The following OSBPL1A variants were observed in gnomAD, a reference collection of about 807,000 sequenced individuals.
OSBPL1A encodes oxysterol binding protein like 1A.
OSBPL1A carries 80 observed loss-of-function variants against 137.1 expected under a neutral mutation model. That is an observed-to-expected ratio of 0.58 (90% confidence interval 0.49 to 0.70). The LOEUF is 0.70. OSBPL1A is among the 30% of genes least tolerant of loss of function. The pLI is 0.00. For synonymous variants in OSBPL1A, 365 were observed against 389.7 expected (o/e 0.94, Z 0.75); for missense variants, 970 against 1,129.4 (o/e 0.86, Z 2.02).
chr18:24,315,356 C>T (rs1016289835), intron 11 of OSBPL1A, among the ~76,000 whole-genome samples: 2 of 152,010 alleles, frequency 1.3e-5, no homozygotes, highest in Non-Finnish European at 1.5e-5. Context: ...CTGCTACTCA[C>T]ATCTCTGACT....
At chr18:24,327,209 G>A (rs1331946628) in intron 7 of OSBPL1A, among the ~76,000 whole-genome samples, 1 of 150,498 alleles carries the variant, frequency 6.6e-6, no homozygotes, top group Non-Finnish European at 1.5e-5. Flanking sequence ...CCAGGTTCAA[G>A]CGATTCTCCT....
At chr18:24,361,235 C>T (rs928884590) in intron 4 of OSBPL1A, among the ~76,000 whole-genome samples, 2 of 152,170 alleles carry the variant, frequency 1.3e-5, no homozygotes, top group Non-Finnish European at 1.5e-5. Context: ...CTATGTTGCC[C>T]AAGCTGGTCT....
intron 16 of OSBPL1A, among the ~76,000 whole-genome samples, chr18:24,233,809 C>T (rs950902380): frequency 4.6e-5 from 7 of 152,122 alleles, no homozygotes; most frequent in South Asian, 2.1e-4. Flanking sequence ...CCACCATGCC[C>T]GGATAAAGTC....
chr18:24,283,281 A>AAAAAAAC (rs1246058393), intron 14 of OSBPL1A, among the ~76,000 whole-genome samples: 1 of 78,376 alleles, frequency 1.3e-5, no homozygotes, highest in Non-Finnish European at 2.3e-5. Flanking sequence ...AAAAAAAAAA[A>AAAAAAAC]ATATATATAT....
At chr18:24,382,579 AT>A (rs1215208048) in intron 1 of OSBPL1A, among the ~76,000 whole-genome samples, 7 of 151,666 alleles carry the variant, frequency 4.6e-5, no homozygotes, top group Non-Finnish European at 1.0e-4. Context: ...TCTCAAAAAA[AT>A]TTTTTTTAAT....
chr18:24,242,685 G>T (rs1306098530), intron 15 of OSBPL1A, among the ~76,000 whole-genome samples: 1 of 152,116 alleles, frequency 6.6e-6, no homozygotes, highest in Non-Finnish European at 1.5e-5. Context: ...CAGTCCTCAG[G>T]CACTTTAGTG....
chr18:24,194,010 T>A lies in OSBPL1A; in HGVS notation c.1677+2115A>T, dbSNP rs201137811. Among the ~76,000 whole-genome samples, 421 of 152,306 alleles carry A rather than the reference T, an allele frequency of 2.8e-3. 1 individual carries two copies. The highest frequency in any genetic ancestry group is 4.7e-3 in the Non-Finnish European group (319 of 68,034). ...TCCTATCTTTTAAAAGAATGGTTAGTCTCGATTTGGACGTAAACTAGACAG... is the reference window on the plus strand; with the variant it reads ...TCCTATCTTTTAAAAGAATGGTTAGACTCGATTTGGACGTAAACTAGACAG... On this transcript the variant is annotated intron_variant, in intron 18 of 27. Transcript: ENST00000319481.
At chr18:24,238,855 T>C (rs942350248) in intron 16 of OSBPL1A, among the ~76,000 whole-genome samples, 7 of 152,232 alleles carry the variant, frequency 4.6e-5, no homozygotes, top group Non-Finnish European at 7.3e-5. Context: ...AAAGACCTCT[T>C]TGAAGACAGA....
In OSBPL1A at chr18:24,334,303, A is replaced by G. The variant is rs1022229766; in HGVS notation, c.422T>C (p.Leu141Pro). The change falls in exon 6 of 28, where the codon CTT becomes CCT. Residue 141 changes from leucine to proline, a missense_variant. This residue lies in a region of OSBPL1A where 647 missense variants were observed against 672.6 expected (regional missense o/e 0.96). Coordinates refer to ENST00000319481, the MANE Select transcript of OSBPL1A (RefSeq NM_080597.4). Reference sequence around the variant, plus strand: ...TGCTGCTGCTAAAAGTAATTCTTCAAGCTTTCTTTGTTGAGTCCTTTCTAC... The same window carrying G: ...TGCTGCTGCTAAAAGTAATTCTTCAGGCTTTCTTTGTTGAGTCCTTTCTAC... ...EAVERTQQRK[L>P]EELLLAAARE... 5 of 1,611,934 alleles carry G rather than the reference A, an allele frequency of 3.1e-6. No individual in the cohort carries two copies. The highest frequency in any genetic ancestry group is 1.7e-5 in the Admixed American group (1 of 59,470).
At chr18:24,291,902 A>C (rs999554632) in intron 14 of OSBPL1A, among the ~76,000 whole-genome samples, 6 of 151,962 alleles carry the variant, frequency 3.9e-5, no homozygotes, top group Admixed American at 1.3e-4. Flanking sequence ...AAAAATAAAA[A>C]ATTAAAATAA....
At chr18:24,168,925 C>T (rs1450390408) in intron 24 of OSBPL1A, among the ~76,000 whole-genome samples, 1 of 152,250 alleles carries the variant, frequency 6.6e-6, no homozygotes, top group South Asian at 2.1e-4. Context: ...GCCATCCGCA[C>T]TCTGTGAAGA....
intron 17 of OSBPL1A, among the ~76,000 whole-genome samples, chr18:24,215,742 C>A (rs2087678492): frequency 6.6e-6 from 1 of 152,094 alleles, no homozygotes; most frequent in South Asian, 2.1e-4. Flanking sequence ...TCAAGATACC[C>A]AATCTATGAT....
chr18:24,260,195 T>C (rs1426603830), intron 15 of OSBPL1A, among the ~76,000 whole-genome samples: 2 of 152,096 alleles, frequency 1.3e-5, no homozygotes, highest in Admixed American at 1.3e-4. Context: ...GTGGGGAAAG[T>C]GGAACTTTGC....
chr18:24,219,470 T>C (rs781718128), intron 17 of OSBPL1A, among the ~76,000 whole-genome samples: 4 of 152,226 alleles, frequency 2.6e-5, no homozygotes, highest in Admixed American at 1.3e-4. Context: ...ATTATTCATC[T>C]GAAAATATTT....
At chr18:24,384,645 G>A (rs536194996) in intron 1 of OSBPL1A, among the ~76,000 whole-genome samples, 3 of 150,422 alleles carry the variant, frequency 2.0e-5, no homozygotes, top group South Asian at 4.2e-4. Context: ...CAAGATGGGC[G>A]GATCACCTGA....
intron 15 of OSBPL1A, among the ~76,000 whole-genome samples, chr18:24,274,741 C>G (rs1466033705): frequency 6.6e-6 from 1 of 152,038 alleles, no homozygotes; most frequent in African/African-American, 2.4e-5. Flanking sequence ...AACCCCATCT[C>G]TACTAAAATA....
intron 21 of OSBPL1A, among the ~76,000 whole-genome samples, chr18:24,175,469 T>C (rs927195750): frequency 4.6e-5 from 7 of 152,138 alleles, no homozygotes. Flanking sequence ...ATTACAGGCA[T>C]GAGTCACTGC....
chr18:24,268,998 T>A (rs2089650856), intron 15 of OSBPL1A, among the ~76,000 whole-genome samples: 1 of 152,112 alleles, frequency 6.6e-6, no homozygotes, highest in African/African-American at 2.4e-5. Flanking sequence ...TAAAACTGGG[T>A]GTCACCTATG....
At chr18:24,328,490 C>T (rs1191639068) in intron 7 of OSBPL1A, among the ~76,000 whole-genome samples, 1 of 152,082 alleles carries the variant, frequency 6.6e-6, no homozygotes, top group Non-Finnish European at 1.5e-5. Flanking sequence ...TTCTCTCCTC[C>T]TCCATGAACC....
Sources: allele counts gnomAD v4.1 joint callset (sites outside exome capture counted in the v4.1 genomes callset), GRCh38; gene constraint gnomAD v4.1.1; regional missense constraint gnomAD v4.1.1; transcripts MANE v1.5; gene names NCBI Gene and HGNC (gene_info 2026-07-23, HGNC 2026-07-21).